The following ADGRB3 variants were observed in gnomAD, a reference collection of about 807,000 sequenced individuals.
ADGRB3 encodes the protein adhesion G protein-coupled receptor B3.
ADGRB3 carries 37 observed loss-of-function variants against 193.4 expected under a neutral mutation model. The observed-to-expected ratio is 0.19, with a 90% confidence interval of 0.15 to 0.25. The LOEUF is 0.25. Among genes scored for constraint, ADGRB3 ranks in the 10% least tolerant of loss-of-function variants. ADGRB3 has a pLI of 1.00. For synonymous variants in ADGRB3, 690 were observed against 644.2 expected (o/e 1.07, Z -1.08); for missense variants, 1,637 against 1,852.9 (o/e 0.88, Z 2.14).
chr6:69,211,126 G>GA (rs773617503), intron 17 of ADGRB3, among the ~76,000 whole-genome samples: 10 of 151,514 alleles, frequency 6.6e-5, no homozygotes, highest in Non-Finnish European at 1.2e-4. Flanking sequence ...CGTCTCAAAA[G>GA]AAAAAAAAGA....
In ADGRB3 at chr6:69,361,176, A is replaced by G. The variant is rs371819748; in HGVS notation, c.3903A>G (p.Glu1301=). Residue 1301 remains glutamate (E), a synonymous_variant, in exon 29 of 32, where the codon GAA becomes GAG. Coordinates refer to ENST00000370598, the MANE Select transcript of ADGRB3 (RefSeq NM_001704.3). ...GADMDIVHPQ[E]RMMESDYIVM... is the part of the protein sequence containing the mutation. ...ACATGGACATAGTCCATCCTCAAGAAAGAATGATGGAAAGTGACTATATTG... is the reference window on the plus strand; with the variant it reads ...ACATGGACATAGTCCATCCTCAAGAGAGAATGATGGAAAGTGACTATATTG... The G allele has an allele frequency of 1.2e-6, 2 of 1,612,816 alleles. No homozygotes were observed. The highest frequency in any genetic ancestry group is 1.7e-6 in the Non-Finnish European group (2 of 1,179,314).
chr6:69,289,723 C>T (rs1767625833), intron 20 of ADGRB3, among the ~76,000 whole-genome samples: 1 of 152,062 alleles, frequency 6.6e-6, no homozygotes, highest in African/African-American at 2.4e-5. Flanking sequence ...TACAGTTTCA[C>T]CTCCACTACA....
intron 15 of ADGRB3, among the ~76,000 whole-genome samples, chr6:69,061,348 C>A (rs1771744493): frequency 6.6e-6 from 1 of 151,772 alleles, no homozygotes; most frequent in African/African-American, 2.4e-5. Flanking sequence ...CTGATGAAAT[C>A]TTGTGCCAAA....
At chr6:68,955,969 A>T (rs1280143090) in intron 6 of ADGRB3, 55 bp from the exon 7 acceptor site, 17 of 1,571,942 alleles carry the variant, frequency 1.1e-5, no homozygotes, top group Non-Finnish European at 1.1e-5. Flanking sequence ...TACTTTCTGT[A>T]CAGCTTGTCC....
intron 17 of ADGRB3, among the ~76,000 whole-genome samples, chr6:69,135,290 T>C (rs1441509913): frequency 9.3e-5 from 2 of 21,510 alleles, no homozygotes; most frequent in Non-Finnish European, 3.0e-4. Flanking sequence ...CACAACTACT[T>C]TTTTTTTTTT....
At chr6:69,058,001 A>C (rs1449099614) in intron 15 of ADGRB3, among the ~76,000 whole-genome samples, 1 of 151,922 alleles carries the variant, frequency 6.6e-6, no homozygotes, top group Admixed American at 6.6e-5. Flanking sequence ...GAAGACTTTG[A>C]GAATGAGTTG....
intron 29 of ADGRB3, among the ~76,000 whole-genome samples, chr6:69,369,789 C>T (rs1769668387): frequency 6.6e-6 from 1 of 151,676 alleles, no homozygotes; most frequent in Non-Finnish European, 1.5e-5. Flanking sequence ...TAAATGATTG[C>T]ACATTAGAAT....
At chr6:68,991,134 A>G (rs757644335) in intron 10 of ADGRB3, among the ~76,000 whole-genome samples, 6 of 152,186 alleles carry the variant, frequency 3.9e-5, no homozygotes, top group African/African-American at 9.6e-5. Context: ...GTCTCATGCT[A>G]TTTGTTACCA....
intron 3 of ADGRB3, among the ~76,000 whole-genome samples, chr6:68,745,192 A>G (rs1160793977): frequency 6.6e-6 from 1 of 152,196 alleles, no homozygotes; most frequent in African/African-American, 2.4e-5. Flanking sequence ...GAAGCAACCT[A>G]AATGCCCATT....
intron 3 of ADGRB3, among the ~76,000 whole-genome samples, chr6:68,917,748 AG>A (rs1168042818): frequency 6.6e-6 from 1 of 152,116 alleles, no homozygotes; most frequent in Non-Finnish European, 1.5e-5. Flanking sequence ...TAATGTTCTG[AG>A]CACCTTTCTT....
chr6:68,654,942 C>A (rs748323165), intron 3 of ADGRB3, among the ~76,000 whole-genome samples: 46 of 151,496 alleles, frequency 3.0e-4, no homozygotes, highest in Non-Finnish European at 5.2e-4. Context: ...AAGAGTAAAT[C>A]ATTTGCCAAG....
intron 20 of ADGRB3, among the ~76,000 whole-genome samples, chr6:69,285,319 G>A (rs1767523973): frequency 1.3e-5 from 2 of 152,168 alleles, no homozygotes; most frequent in South Asian, 2.1e-4. Context: ...CTGGCTCACT[G>A]CAACAGCCTC....
chr6:68,874,393 G>T (rs984159439), intron 3 of ADGRB3, among the ~76,000 whole-genome samples: 1 of 151,788 alleles, frequency 6.6e-6, no homozygotes, highest in Non-Finnish European at 1.5e-5. Context: ...TTGAATTATG[G>T]GTTAAGAATT....
At chr6:69,130,304 T>C (rs867495493) in intron 17 of ADGRB3, among the ~76,000 whole-genome samples, 2 of 152,074 alleles carry the variant, frequency 1.3e-5, no homozygotes, top group Non-Finnish European at 1.5e-5. Flanking sequence ...GCCATTAGGA[T>C]TTTAACATAT....
chr6:68,990,249 G>A (rs1172729034), intron 10 of ADGRB3, among the ~76,000 whole-genome samples: 2 of 152,186 alleles, frequency 1.3e-5, no homozygotes, highest in Non-Finnish European at 2.9e-5. Flanking sequence ...TGCATGTGTT[G>A]TGGATAGAAG....
intron 15 of ADGRB3, among the ~76,000 whole-genome samples, chr6:69,059,382 A>G (rs1287465992): frequency 6.6e-6 from 1 of 152,062 alleles, no homozygotes; most frequent in Non-Finnish European, 1.5e-5. Flanking sequence ...AGACAACTGA[A>G]TTGTATTTTT....
chr6:69,371,764 G>A (rs79251503), intron 29 of ADGRB3, among the ~76,000 whole-genome samples: 5,211 of 152,142 alleles, frequency 0.034, 154 homozygotes, highest in Admixed American at 0.094. Flanking sequence ...GAAACACTGT[G>A]AGACATTTAC....
At chr6:69,246,292 A>C (rs1328256431) in intron 20 of ADGRB3, among the ~76,000 whole-genome samples, 4 of 152,186 alleles carry the variant, frequency 2.6e-5, no homozygotes, top group African/African-American at 7.2e-5. Context: ...GGTCGAGGCT[A>C]ACACCTATTT....
At chr6:69,324,216 A>G (rs1446709585) in intron 20 of ADGRB3, among the ~76,000 whole-genome samples, 3 of 152,148 alleles carry the variant, frequency 2.0e-5, no homozygotes, top group Non-Finnish European at 2.9e-5. Context: ...ACTGCTGGTG[A>G]CATGATTAGC....
Sources: gnomAD v4.1 joint callset for allele counts (sites outside exome capture counted in the v4.1 genomes callset) on GRCh38, gnomAD v4.1.1 for gene constraint, MANE v1.5 for transcripts, NCBI Gene and HGNC (gene_info 2026-07-23, HGNC 2026-07-21) for gene names.